RASA3: variants seen among roughly 807,000 people sequenced by gnomAD.
RASA3 encodes the protein ras GTPase-activating protein 3.
A neutral mutation model predicts 110.0 loss-of-function variants in RASA3; 73 were observed. The observed-to-expected ratio is 0.66, with a 90% confidence interval of 0.55 to 0.81. The LOEUF (loss-of-function observed/expected upper bound fraction) is 0.81. Among genes scored for constraint, RASA3 ranks in the 30% least tolerant of loss-of-function variants. The probability of loss-of-function intolerance (pLI) is 0.00; values close to 1 mark genes in which losing one functional copy is unlikely to be tolerated. For synonymous variants in RASA3, 500 were observed against 451.4 expected (o/e 1.11, Z -1.37); for missense variants, 976 against 1,113.2 (o/e 0.88, Z 1.75).
chr13:113,978,328 T>C lies in RASA3; in HGVS notation c.*1019A>G, dbSNP rs1173287876. On this transcript the variant is annotated 3_prime_UTR_variant, in exon 24 of 24. Transcript: ENST00000334062. ...TCAAACTCAGAGTTTCTTCCCTTCT[T>C]TGATTTTCTGGAGGACCTGCAGCTG... 6.6e-6 allele frequency: 1 copy of C among 152,308 alleles called. No individual in the cohort carries two copies. Among genetic ancestry groups the C allele is most frequent in the Non-Finnish European group, 1.5e-5 (1 of 68,128 alleles). The allele number at this position is 152,308 out of a possible 1,614,324, so 9.4% of individuals were successfully genotyped here. A position where few individuals can be genotyped will look rare whatever the true frequency, so the allele number is the denominator to read the frequency against.
chr13:114,062,051 T>C (rs1482697706), intron 2 of RASA3, among the ~76,000 whole-genome samples: 1 of 152,198 alleles, frequency 6.6e-6, no homozygotes, highest in African/African-American at 2.4e-5. Context: ...TGTCCACGTC[T>C]GGGGTCTGCA....
At chr13:114,125,797 G>A (rs1279215565) in intron 1 of RASA3, among the ~76,000 whole-genome samples, 4 of 152,114 alleles carry the variant, frequency 2.6e-5, no homozygotes, top group African/African-American at 7.2e-5. Context: ...GCTCTGACCC[G>A]CGGCTGCGTA....
chr13:114,059,057 G>C (rs1338717925), intron 2 of RASA3, among the ~76,000 whole-genome samples: 1 of 152,190 alleles, frequency 6.6e-6, no homozygotes, highest in Non-Finnish European at 1.5e-5. Context: ...AATTAGATGG[G>C]TTTGGTGGCG....
chr13:114,002,843 GA>G (rs2053435946), intron 18 of RASA3, among the ~76,000 whole-genome samples: 2 of 152,238 alleles, frequency 1.3e-5, no homozygotes, highest in African/African-American at 4.8e-5. Flanking sequence ...GGCTAAGCCG[GA>G]AGCCTCAGGC....
At chr13:114,027,803 C>A (rs554442828) in intron 6 of RASA3, 44 bp downstream of exon 6, 2 of 1,573,350 alleles carry the variant, frequency 1.3e-6, no homozygotes, top group East Asian at 4.5e-5. Flanking sequence ...TGGACCCTAG[C>A]CCCCCAGGAC....
At chr13:114,041,476 C>T (rs2054405554) in intron 3 of RASA3, among the ~76,000 whole-genome samples, 2 of 152,278 alleles carry the variant, frequency 1.3e-5, no homozygotes, top group African/African-American at 2.4e-5. Flanking sequence ...ACGTCCGCTC[C>T]ATCGGCAATG....
chr13:114,064,753 C>G (rs2139631670), intron 2 of RASA3, among the ~76,000 whole-genome samples: 1 of 152,354 alleles, frequency 6.6e-6, no homozygotes, highest in East Asian at 1.9e-4. Flanking sequence ...CGGGGTATCT[C>G]TTGGACAGGC....
At chr13:114,044,729 G>A (rs1433412612) in intron 3 of RASA3, among the ~76,000 whole-genome samples, 1 of 151,012 alleles carries the variant, frequency 6.6e-6, no homozygotes, top group African/African-American at 2.4e-5. Context: ...AAACTGAGTT[G>A]GGCAATATAT....
intron 7 of RASA3, among the ~76,000 whole-genome samples, chr13:114,025,305 G>A (rs1206727103): frequency 6.6e-6 from 1 of 152,166 alleles, no homozygotes; most frequent in East Asian, 1.9e-4. Context: ...TTCGGGTTGA[G>A]GGCTGCTGAC....
intron 1 of RASA3, among the ~76,000 whole-genome samples, chr13:114,110,199 A>G (rs920228136): frequency 6.6e-6 from 1 of 152,220 alleles, no homozygotes; most frequent in Non-Finnish European, 1.5e-5. Context: ...AGTCAGTGGG[A>G]CAGAATTCAG....
In RASA3 at chr13:113,979,950, C is replaced by T. The variant is rs544776061; in HGVS notation, c.2430-528G>A. 1.4e-3 allele frequency among the ~76,000 whole-genome samples: 206 copies of T among 150,818 alleles called. 1 individual carries two copies. Among genetic ancestry groups the T allele is most frequent in the African/African-American group, 4.8e-3 (198 of 41,008 alleles). The stretch of plus-strand genomic sequence containing the variant: ...ACCTCCATGTGTGCATCTCCTCCCA[C>T]GTGTGTGCACCTCCTTCCACGTGTA... On this transcript the variant is annotated intron_variant, in intron 23 of 23. Coordinates refer to ENST00000334062, the MANE Select transcript of RASA3 (RefSeq NM_007368.4).
chr13:114,076,608 G>A (rs1043289097), intron 1 of RASA3, among the ~76,000 whole-genome samples: 3 of 151,886 alleles, frequency 2.0e-5, no homozygotes, highest in African/African-American at 7.3e-5. Context: ...CAGGCAGGGT[G>A]TGTGATGAGT....
Position 113,998,924 on chromosome 13 carries a change from G to A in RASA3, c.1932+661C>T, listed in dbSNP as rs112660987. Among the ~76,000 whole-genome samples the A allele has an allele frequency of 3.8e-3, 586 of 152,356 alleles. 3 individuals are homozygous for A. Among genetic ancestry groups the A allele is most frequent in the African/African-American group, 0.014 (562 of 41,582 alleles). On this transcript the variant is annotated intron_variant, in intron 20 of 23. Coordinates refer to ENST00000334062, the MANE Select transcript of RASA3 (RefSeq NM_007368.4). The stretch of plus-strand genomic sequence containing the variant: ...CGGCAAACTCGAATGTGGTCGCGCC[G>A]GCGACGTGCGATGGTGGCTGCTGTG...
intron 1 of RASA3, among the ~76,000 whole-genome samples, chr13:114,128,927 C>CT (rs1046184798): frequency 5.5e-4 from 81 of 147,972 alleles, no homozygotes; most frequent in South Asian, 1.1e-3. Flanking sequence ...GCGGGGCTGG[C>CT]TTTTTTTTTT....
rs572382696 is a variant in RASA3 at position 114,014,793 on chromosome 13, C to T, written c.1405+416G>A. ...ACACCACTCTGGGCCCTGCCAGGGT[C>T]GGCCACAAAAAGAAACCACTGGGAA... On this transcript the variant is annotated intron_variant, in intron 14 of 23. Coordinates refer to ENST00000334062, the MANE Select transcript of RASA3 (RefSeq NM_007368.4). The surrounding 1 kb of genome is among the most constrained non-coding windows in gnomAD (Gnocchi z 4.5). 3.9e-5 allele frequency among the ~76,000 whole-genome samples: 6 copies of T among 152,192 alleles called. No individual in the cohort carries two copies. The highest frequency in any genetic ancestry group is 2.1e-4 in the South Asian group (1 of 4,824).
intron 1 of RASA3, among the ~76,000 whole-genome samples, chr13:114,078,645 A>C (rs576709518): frequency 6.6e-6 from 1 of 152,356 alleles, no homozygotes; most frequent in South Asian, 2.1e-4. Flanking sequence ...AAACAGCATA[A>C]CACCGCAAAA....
At chr13:114,050,345 C>T (rs780535254) in intron 3 of RASA3, among the ~76,000 whole-genome samples, 4 of 152,220 alleles carry the variant, frequency 2.6e-5, no homozygotes, top group Admixed American at 1.3e-4. Flanking sequence ...GTGTCCGCTG[C>T]GGAAGCACCC....
rs755136613 is a variant in RASA3, at chr13:113,979,365, G to T, written c.2487C>A (p.Thr829=). ...GCAGACTTTAAATGGAATGAGTGGA[G>T]GTCTCGGACTGCTGCCGGATGTAGT... ...FQNYIRQQSE[T]STHSI The change falls in exon 24 of 24, where the codon ACC becomes ACA. Residue 829 remains threonine (T), a synonymous_variant. Transcript: ENST00000334062. 2.5e-6 allele frequency: 4 copies of T among 1,603,988 alleles called. No individual in the cohort carries two copies. Among genetic ancestry groups the T allele is most frequent in the Non-Finnish European group, 3.4e-6 (4 of 1,170,952 alleles).
intron 14 of RASA3, 86 bp downstream of exon 14, chr13:114,015,123 C>T: frequency 3.2e-6 from 5 of 1,551,930 alleles, no homozygotes; most frequent in Middle Eastern, 1.8e-4. Flanking sequence ...CTAGCCAGGG[C>T]TGCGGGGGGT....
Sources: allele counts gnomAD v4.1 joint callset (sites outside exome capture counted in the v4.1 genomes callset), GRCh38; gene constraint gnomAD v4.1.1; non-coding constraint Gnocchi (gnomAD v3.1); transcripts MANE v1.5; gene names NCBI Gene and HGNC (gene_info 2026-07-23, HGNC 2026-07-21).